The following ATP6V1C2 variants were observed in gnomAD, a reference collection of about 807,000 sequenced individuals.
ATP6V1C2 encodes ATPase H+ transporting V1 subunit C2, also known as V-type proton ATPase subunit C 2.
Under a neutral mutation model 56.8 loss-of-function variants are expected in ATP6V1C2, and 45 were observed. The observed-to-expected ratio is 0.79, with a 90% CI of 0.62 to 1.02. The LOEUF (loss-of-function observed/expected upper bound fraction) is 1.02, where lower values mean the gene tolerates loss of function less well. ATP6V1C2 is among the 50% of genes least tolerant of loss of function. ATP6V1C2 has a pLI of 0.00. For missense variants in ATP6V1C2, 463 were observed against 519.7 expected, an observed-to-expected ratio of 0.89 and a Z score of 1.06; for synonymous variants, 220 against 201.3, an observed-to-expected ratio of 1.09 and a Z score of -0.79.
At chr2:10,749,779 C>T (rs902642929) in intron 3 of ATP6V1C2, among the ~76,000 whole-genome samples, 1 of 152,050 alleles carries the variant, frequency 6.6e-6, no homozygotes, top group Non-Finnish European at 1.5e-5. Context: ...CTGATCCAGG[C>T]AACTTATTTT....
chr2:10,780,657 G>A lies in ATP6V1C2; in HGVS notation c.1062-1586G>A, dbSNP rs1232516033. Among the ~76,000 whole-genome samples the A allele has an allele frequency of 2.6e-5, 4 of 151,006 alleles. No individual in the cohort carries two copies. Among genetic ancestry groups the A allele is most frequent in the Non-Finnish European group, 4.4e-5 (3 of 68,018 alleles). Reference sequence around the variant, plus strand: ...GAAGTCGGTTGCTCTCAGGCCTAACGGCCTAACACAGTGAAGCCTGTCCAT... The same window carrying A: ...GAAGTCGGTTGCTCTCAGGCCTAACAGCCTAACACAGTGAAGCCTGTCCAT... On this transcript the variant is annotated intron_variant, in intron 12 of 13. Transcript: ENST00000272238. The surrounding 1 kb of genome is among the most constrained non-coding windows in gnomAD (Gnocchi z 4.1).
intron 10 of ATP6V1C2, among the ~76,000 whole-genome samples, chr2:10,776,980 T>C (rs1665034579): frequency 6.6e-6 from 1 of 152,226 alleles, no homozygotes; most frequent in Non-Finnish European, 1.5e-5. Context: ...TAGAAGTGCA[T>C]GACCAAACGT....
rs950452062 is a variant in ATP6V1C2, at chr2:10,784,972, T to C, written c.*1709T>C. On this transcript the variant is annotated 3_prime_UTR_variant, in exon 14 of 14. Transcript: ENST00000272238. ...CCGTCCCAAGGCTCTCTCTCAACGA[T>C]GGTAGGGAAAGCCCCGCCTCCTACA... is the stretch of plus-strand genomic sequence containing the variant. 6.3e-6 allele frequency: 10 copies of C among 1,592,892 alleles called. No homozygotes were observed. The highest frequency in any genetic ancestry group is 5.4e-5 in the African/African-American group (4 of 74,576).
At chr2:10,734,600 G>C (rs761843358) in intron 3 of ATP6V1C2, among the ~76,000 whole-genome samples, 3 of 152,086 alleles carry the variant, frequency 2.0e-5, no homozygotes, top group Non-Finnish European at 4.4e-5. Context: ...GGCCCAGAGA[G>C]AAGATCCTAG....
chr2:10,784,503 G>C lies in ATP6V1C2; in HGVS notation c.*1240G>C, dbSNP rs950474723. On this transcript the variant is annotated 3_prime_UTR_variant, in exon 14 of 14. Coordinates refer to ENST00000272238, the MANE Select transcript of ATP6V1C2 (RefSeq NM_001039362.2). ...ATGATTATACGGATGGAAAAGCTCA[G>C]AACTCAGGTGAAACATTTCAACATC... 5.4e-6 allele frequency: 3 copies of C among 553,026 alleles called. No individual in the cohort carries two copies. The African/African-American group carries it at 5.7e-5, about 10-fold the overall frequency. The allele number at this position is 553,026 out of a possible 1,614,324, so 34.3% of individuals were successfully genotyped here.
chr2:10,727,599 G>A (rs1219079451), intron 3 of ATP6V1C2, among the ~76,000 whole-genome samples: 1 of 151,934 alleles, frequency 6.6e-6, no homozygotes, highest in African/African-American at 2.4e-5. Flanking sequence ...GATATATATA[G>A]TGAAAGTGAA....
rs145774904 is a variant in ATP6V1C2 at position 10,777,731 on chromosome 2, C to T, written c.963+9C>T. 511 of 1,602,372 alleles carry T rather than the reference C, an allele frequency of 3.2e-4. No homozygotes were observed. In the African/African-American group the frequency reaches 5.3e-3, roughly 17 times the overall value. On this transcript the variant is annotated intron_variant, in intron 11 of 13. Coordinates refer to ENST00000272238, the MANE Select transcript of ATP6V1C2 (RefSeq NM_001039362.2). The stretch of plus-strand genomic sequence containing the variant: ...GTGAGGGCGAGGGTGAGGTAAGCAA[C>T]GCCCCGGGAACCCCGGGGTCCCTGG...
intron 6 of ATP6V1C2, among the ~76,000 whole-genome samples, chr2:10,771,029 A>C (rs1003732271): frequency 1.3e-5 from 2 of 152,220 alleles, no homozygotes; most frequent in Admixed American, 6.5e-5. Context: ...AGGCTCATGC[A>C]TGCGGTGCCC....
At chr2:10,734,253 G>A (rs973454506) in intron 3 of ATP6V1C2, among the ~76,000 whole-genome samples, 1 of 151,916 alleles carries the variant, frequency 6.6e-6, no homozygotes, top group Admixed American at 6.6e-5. Flanking sequence ...TGCCCCTGCT[G>A]AGCCCTCTTC....
intron 7 of ATP6V1C2, 49 bp from the exon 8 acceptor site, chr2:10,772,493 C>T: frequency 6.6e-7 from 1 of 1,509,194 alleles, no homozygotes; most frequent in Non-Finnish European, 9.2e-7. Context: ...TCAGGACACC[C>T]ACGAGCCTTT....
Position 10,780,345 on chromosome 2 carries a change from G to T in ATP6V1C2, c.1061+1676G>T, listed in dbSNP as rs1665270451. ...CTCTTTCACGGGTCTGGCCCCACCG[G>T]CCTGGCTGTTGCCATAAGCCTCCTC... On this transcript the variant is annotated intron_variant, in intron 12 of 13. Transcript: ENST00000272238. This position sits in a 1 kb window ranked among gnomAD's most constrained non-coding sequence, Gnocchi z 4.1. 6.6e-6 allele frequency among the ~76,000 whole-genome samples: 1 copy of T among 152,146 alleles called. No homozygotes were observed. Among genetic ancestry groups the T allele is most frequent in the African/African-American group, 2.4e-5 (1 of 41,426 alleles).
Position 10,743,161 on chromosome 2 carries a change from G to C in ATP6V1C2, c.198-10820G>C, listed in dbSNP as rs189789184. Reference sequence around the variant, plus strand: ...AAACAGGGTCTCACTCTGTTGCCCAGGCTGGACTGCAGTGATTCAATCACT... The same window carrying C: ...AAACAGGGTCTCACTCTGTTGCCCACGCTGGACTGCAGTGATTCAATCACT... On this transcript the variant is annotated intron_variant, in intron 3 of 13. Transcript: ENST00000272238. 8.3e-4 allele frequency among the ~76,000 whole-genome samples: 126 copies of C among 152,176 alleles called. 1 individual carries two copies. Among genetic ancestry groups the C allele is most frequent in the Non-Finnish European group, 1.3e-3 (88 of 68,000 alleles).
At chr2:10,775,840 C>T (rs941020270) in intron 10 of ATP6V1C2, among the ~76,000 whole-genome samples, 1 of 152,192 alleles carries the variant, frequency 6.6e-6, no homozygotes, top group Non-Finnish European at 1.5e-5. Context: ...TCATGCCCAC[C>T]AGGGAGGGTT....
At chr2:10,760,908 G>A (rs1017002560) in intron 4 of ATP6V1C2, among the ~76,000 whole-genome samples, 1 of 152,168 alleles carries the variant, frequency 6.6e-6, no homozygotes, top group African/African-American at 2.4e-5. Flanking sequence ...TAGACAGTGC[G>A]AGCTGATACC....
chr2:10,722,575 A>C (rs1174276210), intron 1 of ATP6V1C2, among the ~76,000 whole-genome samples: 2 of 152,190 alleles, frequency 1.3e-5, no homozygotes, highest in East Asian at 3.9e-4. Context: ...AGAGAAAGAA[A>C]GGAACCTCTC....
chr2:10,756,119 G>C (rs990279038), intron 4 of ATP6V1C2, among the ~76,000 whole-genome samples: 4 of 152,214 alleles, frequency 2.6e-5, no homozygotes, highest in African/African-American at 9.7e-5. Context: ...CACTTTAGGA[G>C]GCCGAGGCAG....
intron 3 of ATP6V1C2, among the ~76,000 whole-genome samples, chr2:10,737,879 A>G (rs936408912): frequency 1.3e-5 from 2 of 152,158 alleles, no homozygotes; most frequent in African/African-American, 2.4e-5. Context: ...TTTTTAGTAC[A>G]GATGGGGTTT....
intron 4 of ATP6V1C2, among the ~76,000 whole-genome samples, chr2:10,760,138 C>T (rs376919670): frequency 1.6e-3 from 245 of 151,412 alleles, no homozygotes; most frequent in African/African-American, 5.2e-3. Flanking sequence ...TCTGGGAGGC[C>T]GAGGCGGGCG....
At chr2:10,727,051 T>C (rs7591276) in intron 3 of ATP6V1C2, among the ~76,000 whole-genome samples, 1,949 of 11,800 alleles carry the variant, frequency 0.17, 40 homozygotes, top group African/African-American at 0.28. Context: ...CTTCCTTCCT[T>C]CCTCCCTCCC....
Sources: allele counts gnomAD v4.1 joint callset (sites outside exome capture counted in the v4.1 genomes callset), GRCh38; gene constraint gnomAD v4.1.1; non-coding constraint Gnocchi (gnomAD v3.1); transcripts MANE v1.5; gene names NCBI Gene and HGNC (gene_info 2026-07-23, HGNC 2026-07-21).